USP4: variants seen among roughly 807,000 people sequenced by gnomAD.
The protein encoded by USP4 is ubiquitin carboxyl-terminal hydrolase 4.
Under a neutral mutation model 118.2 loss-of-function variants are expected in USP4, and 72 were observed. That is an observed-to-expected ratio of 0.61 (90% CI 0.50 to 0.74). The LOEUF (loss-of-function observed/expected upper bound fraction) is 0.74. Among genes scored for constraint, USP4 ranks in the 30% least tolerant of loss-of-function variants. USP4 has a pLI of 0.00. For synonymous variants in USP4, 415 were observed against 440.4 expected (o/e 0.94, Z 0.72); for missense variants, 1,037 against 1,185.7 (o/e 0.87, Z 1.84).
chr3:49,300,817 A>G (rs2047255729), intron 10 of USP4, 126 bp from the exon 11 acceptor site: 6 of 789,398 alleles, frequency 7.6e-6, no homozygotes, highest in Non-Finnish European at 1.2e-5. Flanking sequence ...AGCTTGATCC[A>G]GGACAAACAA....
intron 18 of USP4, 93 bp downstream of exon 18, chr3:49,284,373 A>G: frequency 8.9e-7 from 1 of 1,127,586 alleles, no homozygotes; most frequent in Non-Finnish European, 1.3e-6. Context: ...TGACACATCC[A>G]AATACAAAGG....
At chr3:49,334,563 T>C (rs752320311) in intron 2 of USP4, among the ~76,000 whole-genome samples, 1 of 152,044 alleles carries the variant, frequency 6.6e-6, no homozygotes, top group Non-Finnish European at 1.5e-5. Context: ...CTGGGCAACA[T>C]AGCAAGACCC....
chr3:49,306,659 G>A (rs569237336), intron 8 of USP4, among the ~76,000 whole-genome samples: 5 of 151,986 alleles, frequency 3.3e-5, no homozygotes, highest in South Asian at 2.1e-4. Flanking sequence ...CATTATCCTC[G>A]CTCAATAATA....
intron 1 of USP4, among the ~76,000 whole-genome samples, 154 bp downstream of exon 1, chr3:49,339,770 C>T (rs2047717476): frequency 2.0e-5 from 3 of 152,162 alleles, no homozygotes; most frequent in Non-Finnish European, 4.4e-5. Context: ...CAGAGCTGAT[C>T]CTGGAGTTAT....
intron 20 of USP4, among the ~76,000 whole-genome samples, chr3:49,280,155 C>T (rs755585185): frequency 2.6e-5 from 4 of 151,974 alleles, no homozygotes; most frequent in South Asian, 4.2e-4. Context: ...CCCAGCTACT[C>T]GGCAGGCTGA....
chr3:49,339,297 C>T (rs1425527960), intron 1 of USP4, among the ~76,000 whole-genome samples: 1 of 152,134 alleles, frequency 6.6e-6, no homozygotes, highest in Non-Finnish European at 1.5e-5. Context: ...TATTAAGATG[C>T]CTAATAACTC....
rs1220948496 is a variant in USP4, at chr3:49,312,710, C to T, written c.696-1056G>A. The T allele has an allele frequency of 5.2e-4, 156 of 298,546 alleles. 1 individual carries two copies. Among genetic ancestry groups the T allele is most frequent in the African/African-American group, 3.3e-3 (147 of 44,404 alleles). The allele number at this position is 298,546 out of a possible 1,614,324, so 18.5% of individuals were successfully genotyped here. The stretch of plus-strand genomic sequence containing the variant: ...GGGAGGCTGAGGGGCAGGAGAATTG[C>T]GTGAAACCGGGAGGCGGAGGTTGCA... On this transcript the variant is annotated intron_variant, in intron 6 of 21. Transcript: ENST00000265560.
At position 49,277,331 on chromosome 3, in the gene USP4, G is replaced by A; in HGVS notation, c.*962C>T. The A allele has an allele frequency of 9.8e-7, 1 of 1,018,850 alleles. No individual in the cohort carries two copies. The highest frequency in any genetic ancestry group is 1.4e-5 in the South Asian group (1 of 69,790). 63.1% of individuals were successfully genotyped at this position (1,018,850 alleles called of 1,614,324 possible). A position where few individuals can be genotyped will look rare whatever the true frequency, so the allele number is the denominator to read the frequency against. On this transcript the variant is annotated 3_prime_UTR_variant, in exon 22 of 22. Transcript: ENST00000265560. ...TTCCTTAAGGCCTTGCCCACACGCA[G>A]CGGCTGGCCCCGCGGTGGGAGTGGG...
At chr3:49,337,667 C>T (rs2047683389) in intron 1 of USP4, among the ~76,000 whole-genome samples, 1 of 151,678 alleles carries the variant, frequency 6.6e-6, no homozygotes, top group African/African-American at 2.4e-5. Flanking sequence ...GAACTCCTGG[C>T]CTCAAGTGAT....
At chr3:49,292,488 A>G in intron 15 of USP4, 22 bp downstream of exon 15, 1 of 1,493,410 alleles carries the variant, frequency 6.7e-7, no homozygotes, top group Non-Finnish European at 9.0e-7. Context: ...AGTCACAGCC[A>G]CAGAGCATGG....
intron 7 of USP4, among the ~76,000 whole-genome samples, chr3:49,310,944 G>C (rs186589697): frequency 6.6e-6 from 1 of 152,126 alleles, no homozygotes; most frequent in African/African-American, 2.4e-5. Flanking sequence ...CTTAAGGAAA[G>C]AAACACTACT....
intron 13 of USP4, among the ~76,000 whole-genome samples, chr3:49,295,714 G>GCGCGCACGCACACACACACA (rs149459963): frequency 6.7e-6 from 1 of 148,320 alleles, no homozygotes; most frequent in African/African-American, 2.6e-5. Context: ...GCGCGCGCGC[G>GCGCGCACGCACACACACACA]CACACACACA....
chr3:49,312,279 T>C (rs1457983866), intron 6 of USP4: 2 of 290,816 alleles, frequency 6.9e-6, no homozygotes, highest in African/African-American at 4.5e-5. Context: ...AAGACCAGCC[T>C]GGCCATGAGG....
chr3:49,296,136 C>A (rs1329464157), intron 13 of USP4, among the ~76,000 whole-genome samples: 1 of 150,598 alleles, frequency 6.6e-6, no homozygotes, highest in African/African-American at 2.4e-5. Context: ...TCGAGACCAC[C>A]CTAACTAACA....
intron 10 of USP4, among the ~76,000 whole-genome samples, chr3:49,301,995 C>A (rs1390942230): frequency 2.6e-5 from 4 of 151,986 alleles, no homozygotes; most frequent in Non-Finnish European, 5.9e-5. Flanking sequence ...TTCTTAGTCC[C>A]TAGTTCACCA....
At chr3:49,297,100 C>A (rs958589004) in intron 13 of USP4, among the ~76,000 whole-genome samples, 3 of 152,090 alleles carry the variant, frequency 2.0e-5, no homozygotes, top group Non-Finnish European at 2.9e-5. Context: ...AAACAAAAAC[C>A]AAAACAAAAT....
At chr3:49,326,232 G>A (rs902776263) in intron 3 of USP4, among the ~76,000 whole-genome samples, 2 of 151,950 alleles carry the variant, frequency 1.3e-5, no homozygotes, top group African/African-American at 2.4e-5. Context: ...CAGGGGAATC[G>A]CTTGAACCCA....
Position 49,340,015 on chromosome 3 carries a change from C to A in USP4, c.10G>T (p.Gly4Cys), listed in dbSNP as rs760518123. 6.2e-7 allele frequency: 1 copy of A among 1,608,074 alleles called. No individual in the cohort carries two copies. The highest frequency in any genetic ancestry group is 8.5e-7 in the Non-Finnish European group (1 of 1,179,730). ...TCCGGTCGCTCACGGCAGCCTCCAC[C>A]TTCCGCCATCTCCTCCGCGGCCCCG... Reference protein sequence around the residue: MAEGGGCRERPDAE... With the variant: MAECGGCRERPDAE... Residue 4 changes from glycine to cysteine, a missense_variant, in exon 1 of 22, where the codon GGT (glycine) becomes TGT (cysteine). By Grantham distance (159) the Gly-to-Cys change is radical. This residue lies in a region of USP4 where 487 missense variants were observed against 534.1 expected (regional missense o/e 0.91). Transcript: ENST00000265560.
At chr3:49,283,216 A>G (rs148565411) in intron 19 of USP4, among the ~76,000 whole-genome samples, 5,316 of 148,898 alleles carry the variant, frequency 0.036, 124 homozygotes, top group Non-Finnish European at 0.059. Context: ...GGGTTTCACC[A>G]TGTTGGCCAG....
Sources: allele counts gnomAD v4.1 joint callset (sites outside exome capture counted in the v4.1 genomes callset), GRCh38; gene constraint gnomAD v4.1.1; regional missense constraint gnomAD v4.1.1; transcripts MANE v1.5; gene names NCBI Gene and HGNC (gene_info 2026-07-23, HGNC 2026-07-21).